Variants in NAALADL2 observed in about 807,000 individuals in gnomAD.
NAALADL2 encodes the protein N-acetylated alpha-linked acidic dipeptidase like 2.
A neutral mutation model predicts 87.2 loss-of-function variants in NAALADL2; 76 were observed. The observed-to-expected ratio is 0.87, with a 90% CI of 0.72 to 1.05. NAALADL2 has a LOEUF of 1.05. NAALADL2 is among the 50% of genes least tolerant of loss of function. The pLI, the probability that NAALADL2 is intolerant of heterozygous loss-of-function variation, is 0.00. For missense variants in NAALADL2, 1,089 were observed against 945.8 expected (o/e 1.15, Z -1.99); for synonymous variants, 354 against 331.0 (o/e 1.07, Z -0.75).
At chr3:175,360,871 T>TA (rs1443401865) in intron 5 of NAALADL2, among the ~76,000 whole-genome samples, 3 of 150,828 alleles carry the variant, frequency 2.0e-5, no homozygotes, top group Middle Eastern at 3.2e-3. Flanking sequence ...TCTTTTTTTT[T>TA]AATTTTTTTT....
intron 3 of NAALADL2, among the ~76,000 whole-genome samples, chr3:174,739,665 C>T (rs1008005118): frequency 6.6e-6 from 1 of 151,998 alleles, no homozygotes. Context: ...CCCCAAATAA[C>T]ATTTTAAGAG....
At chr3:174,783,043 A>G (rs1301149967) in intron 3 of NAALADL2, among the ~76,000 whole-genome samples, 1 of 152,194 alleles carries the variant, frequency 6.6e-6, no homozygotes, top group Admixed American at 6.6e-5. Context: ...TCTAGGTTGC[A>G]TCCATATTCC....
At chr3:174,673,925 G>GA (rs994667754) in intron 2 of NAALADL2, among the ~76,000 whole-genome samples, 6 of 131,262 alleles carry the variant, frequency 4.6e-5, no homozygotes, top group African/African-American at 1.6e-4. Context: ...ACATAAATTT[G>GA]AAAAAATGTT....
intron 2 of NAALADL2, among the ~76,000 whole-genome samples, chr3:175,223,785 T>C (rs1743759472): frequency 6.6e-6 from 1 of 152,198 alleles, no homozygotes; most frequent in Non-Finnish European, 1.5e-5. Context: ...AGTTCAAGTA[T>C]ATTTTCTGAT....
At chr3:175,103,605 C>A (rs1235761409) in intron 2 of NAALADL2, among the ~76,000 whole-genome samples, 2 of 152,158 alleles carry the variant, frequency 1.3e-5, no homozygotes, top group Admixed American at 6.5e-5. Context: ...CTTGAAAGCC[C>A]TTATTAATTG....
intron 9 of NAALADL2, among the ~76,000 whole-genome samples, chr3:175,502,486 A>T (rs1729694138): frequency 6.6e-6 from 1 of 152,084 alleles, no homozygotes; most frequent in African/African-American, 2.4e-5. Context: ...TTGAGAATTG[A>T]ACTGAAACAT....
chr3:174,799,086 C>T (rs1187840298), intron 3 of NAALADL2, among the ~76,000 whole-genome samples: 1 of 151,318 alleles, frequency 6.6e-6, no homozygotes, highest in Non-Finnish European at 1.5e-5. Context: ...AGGAGAATTG[C>T]TTGAACCTGG....
At chr3:175,306,669 T>TACAA (rs371615180) in intron 4 of NAALADL2, among the ~76,000 whole-genome samples, 23 of 152,142 alleles carry the variant, frequency 1.5e-4, no homozygotes, top group South Asian at 1.2e-3. Context: ...TTGCTTAAAA[T>TACAA]ACAAACAAAC....
intron 2 of NAALADL2, among the ~76,000 whole-genome samples, chr3:174,703,355 A>G (rs979786412): frequency 6.7e-6 from 1 of 149,314 alleles, no homozygotes; most frequent in African/African-American, 2.5e-5. Context: ...CTAGAGTGAT[A>G]ATTGTTTTTA....
intron 2 of NAALADL2, among the ~76,000 whole-genome samples, chr3:175,157,527 T>A (rs1732503019): frequency 6.6e-6 from 1 of 152,104 alleles, no homozygotes; most frequent in African/African-American, 2.4e-5. Context: ...CTGTAAAATT[T>A]ACAATTAAAC....
chr3:175,039,460 G>A (rs569961697), intron 1 of NAALADL2, among the ~76,000 whole-genome samples: 6 of 152,218 alleles, frequency 3.9e-5, no homozygotes, highest in African/African-American at 1.4e-4. Flanking sequence ...CCTTTATGCA[G>A]CTCTTCCACG....
chr3:175,475,237 A>T (rs1725524853), intron 9 of NAALADL2, among the ~76,000 whole-genome samples: 1 of 152,064 alleles, frequency 6.6e-6, no homozygotes, highest in African/African-American at 2.4e-5. Context: ...TTTTATTTCC[A>T]TTGACTCCTT....
chr3:174,721,562 A>G (rs2108952717), intron 2 of NAALADL2, among the ~76,000 whole-genome samples: 1 of 152,286 alleles, frequency 6.6e-6, no homozygotes, highest in South Asian at 2.1e-4. Flanking sequence ...GTCTTAATAA[A>G]ATAACGTTTG....
rs1755048441 is a variant in NAALADL2 at position 175,810,020 on chromosome 3, G to A, written c.*6817G>A. 6.6e-6 allele frequency: 1 copy of A among 151,950 alleles called. No individual in the cohort carries two copies. The highest frequency in any genetic ancestry group is 1.5e-5 in the Non-Finnish European group (1 of 67,946). 9.4% of individuals were successfully genotyped at this position (151,950 alleles called of 1,614,324 possible). ...CTAAATTATGTTGAACTGTTGTGGTGTTTAGCCTTGTTCAAAATGATTTGA... is the reference window on the plus strand; with the variant it reads ...CTAAATTATGTTGAACTGTTGTGGTATTTAGCCTTGTTCAAAATGATTTGA... On this transcript the variant is annotated 3_prime_UTR_variant, in exon 14 of 14. Coordinates refer to ENST00000454872, the MANE Select transcript of NAALADL2 (RefSeq NM_207015.3).
chr3:175,475,197 T>C (rs536432124), intron 9 of NAALADL2, among the ~76,000 whole-genome samples: 1 of 152,174 alleles, frequency 6.6e-6, no homozygotes, highest in South Asian at 2.1e-4. Flanking sequence ...AGACCTAATT[T>C]CTTGGGGGGA....
At chr3:174,620,768 T>C (rs1720919926) in intron 2 of NAALADL2, among the ~76,000 whole-genome samples, 1 of 152,076 alleles carries the variant, frequency 6.6e-6, no homozygotes, top group African/African-American at 2.4e-5. Context: ...CATAAATACT[T>C]ATGTATTTTA....
Position 175,807,653 on chromosome 3 carries a change from A to G in NAALADL2, c.*4450A>G, listed in dbSNP as rs1179400809. The G allele has an allele frequency of 1.3e-5, 2 of 151,906 alleles. No homozygotes were observed. The highest frequency in any genetic ancestry group is 2.9e-5 in the Non-Finnish European group (2 of 67,876). 9.4% of individuals were successfully genotyped at this position (151,906 alleles called of 1,614,324 possible). On this transcript the variant is annotated 3_prime_UTR_variant, in exon 14 of 14. Coordinates refer to ENST00000454872, the MANE Select transcript of NAALADL2 (RefSeq NM_207015.3). ...ACATATTCCAATAAATATATCAGCA[A>G]TATAACAGTTTCATCATGGGACCAT...
At chr3:175,546,007 T>C (rs1314379118) in intron 9 of NAALADL2, among the ~76,000 whole-genome samples, 2 of 151,998 alleles carry the variant, frequency 1.3e-5, no homozygotes, top group Non-Finnish European at 2.9e-5. Context: ...ATAAGGTAAA[T>C]AAAACATAGA....
intron 5 of NAALADL2, among the ~76,000 whole-genome samples, chr3:175,398,349 T>TA: frequency 1.2e-5 from 1 of 82,482 alleles, no homozygotes; most frequent in South Asian, 3.9e-4. Flanking sequence ...TGCTACTTTT[T>TA]TTTTTTTTTT....
Sources: allele counts gnomAD v4.1 joint callset (sites outside exome capture counted in the v4.1 genomes callset), GRCh38; gene constraint gnomAD v4.1.1; transcripts MANE v1.5; gene names NCBI Gene and HGNC (gene_info 2026-07-23, HGNC 2026-07-21).